JAKMIP3: variants seen among roughly 807,000 people sequenced by gnomAD.
JAKMIP3 encodes the protein Janus kinase and microtubule interacting protein 3, also known as janus kinase and microtubule-interacting protein 3.
Under a neutral mutation model 118.5 loss-of-function variants are expected in JAKMIP3, and 58 were observed. That is an observed-to-expected ratio of 0.49 (90% CI 0.40 to 0.61). The LOEUF (loss-of-function observed/expected upper bound fraction) is 0.61. Ranked by LOEUF, JAKMIP3 falls within the 20% of genes least tolerant of loss-of-function variation. The pLI, the probability that JAKMIP3 is intolerant of heterozygous loss-of-function variation, is 0.00. For missense variants in JAKMIP3, 950 were observed against 1,109.0 expected (o/e 0.86, Z 2.04); for synonymous variants, 486 against 451.2 (o/e 1.08, Z -0.98).
chr10:132,163,144 G>C (rs1388020913), intron 19 of JAKMIP3, 65 bp from the exon 20 acceptor site: 3 of 1,464,914 alleles, frequency 2.0e-6, no homozygotes, highest in African/African-American at 2.8e-5. Flanking sequence ...GGCCTCCGTT[G>C]CCCTTCCTGA....
rs116301093 is a variant in JAKMIP3, at chr10:132,037,918, G to C, written c.-138+1180G>C. ...CAGCAGTACCAATTGGCCCCGAGTC[G>C]GTTGCAGCCTTTGCCACAAATCTGG... On this transcript the variant is annotated intron_variant, in intron 1 of 23. Coordinates refer to the JAKMIP3 transcript ENST00000657785. 2.7e-4 allele frequency among the ~76,000 whole-genome samples: 41 copies of C among 152,368 alleles called. No individual in the cohort carries two copies. In the South Asian group the frequency reaches 8.3e-3, roughly 31 times the overall value.
chr10:132,038,821 C>T (rs2037609096), intron 1 of JAKMIP3, among the ~76,000 whole-genome samples: 1 of 146,462 alleles, frequency 6.8e-6, no homozygotes, highest in South Asian at 2.2e-4. Context: ...CCATCATAAA[C>T]ATACTTGCTG....
chr10:132,098,004 C>CTTTCACTTTCCT (rs1199956471), intron 1 of JAKMIP3, among the ~76,000 whole-genome samples: 2 of 49,220 alleles, frequency 4.1e-5, no homozygotes, highest in Admixed American at 2.2e-4. Flanking sequence ...TCCCCTTCCC[C>CTTTCACTTTCCT]TCCTTCCTTT....
chr10:132,056,002 C>A (rs899787290), intron 1 of JAKMIP3, among the ~76,000 whole-genome samples: 1 of 152,172 alleles, frequency 6.6e-6, no homozygotes, highest in African/African-American at 2.4e-5. Flanking sequence ...AACATGACTC[C>A]ACCTGGGGAC....
Position 132,182,577 on chromosome 10 carries a change from G to A in JAKMIP3, c.*1324G>A, listed in dbSNP as rs181264463. On this transcript the variant is annotated 3_prime_UTR_variant, in exon 24 of 24. Coordinates refer to ENST00000684848, the MANE Select transcript of JAKMIP3 (RefSeq NM_001323087.2). ...TGTGCTCACTTGTGTGCACAAGCAT[G>A]CGTTTATGCATGTTTTCACGCAACC... is the stretch of plus-strand genomic sequence containing the variant. 4 of 152,346 alleles carry A rather than the reference G, an allele frequency of 2.6e-5. No individual in the cohort carries two copies. The highest frequency in any genetic ancestry group is 2.0e-4 in the Admixed American group (3 of 15,306). The allele number at this position is 152,346 out of a possible 1,614,324, so 9.4% of individuals were successfully genotyped here.
chr10:132,095,306 T>G (rs1328912288), intron 1 of JAKMIP3, among the ~76,000 whole-genome samples: 1 of 152,224 alleles, frequency 6.6e-6, no homozygotes, highest in East Asian at 1.9e-4. Context: ...CTGTGGCCTT[T>G]CCCCAGTGCC....
chr10:132,099,511 G>A (rs56069551), intron 1 of JAKMIP3, among the ~76,000 whole-genome samples: 38,901 of 152,082 alleles, frequency 0.26, 5,554 homozygotes, highest in Non-Finnish European at 0.33. Flanking sequence ...AACTGACCGC[G>A]AAGCCCACTG....
chr10:132,099,343 A>G (rs1286006217), intron 1 of JAKMIP3, among the ~76,000 whole-genome samples: 1 of 152,212 alleles, frequency 6.6e-6, no homozygotes, highest in Non-Finnish European at 1.5e-5. Flanking sequence ...CGACTTTACC[A>G]GAGGTCAACC....
chr10:132,065,294 G>T (rs1230907763), upstream of JAKMIP3, among the ~76,000 whole-genome samples: 1 of 152,038 alleles, frequency 6.6e-6, no homozygotes, highest in Non-Finnish European at 1.5e-5. This position sits in a 1 kb window ranked among gnomAD's most constrained non-coding sequence, Gnocchi z 5.6. Context: ...GGCCAGGTGA[G>T]CTCTCGTGCT....
intron 1 of JAKMIP3, among the ~76,000 whole-genome samples, chr10:132,100,619 G>T (rs1329890255): frequency 6.6e-6 from 1 of 151,676 alleles, no homozygotes; most frequent in Non-Finnish European, 1.5e-5. Flanking sequence ...CGCCCCCCCA[G>T]CAGCTATGAG....
chr10:132,147,673 A>C (rs2054905628), intron 13 of JAKMIP3, among the ~76,000 whole-genome samples: 1 of 152,130 alleles, frequency 6.6e-6, no homozygotes, highest in African/African-American at 2.4e-5. Flanking sequence ...ATCCCTGTCC[A>C]GGGGCCACCC....
chr10:132,040,104 A>G (rs750502195), intron 1 of JAKMIP3, among the ~76,000 whole-genome samples: 24 of 152,158 alleles, frequency 1.6e-4, no homozygotes, highest in Non-Finnish European at 3.2e-4. Context: ...CTGACCCCCA[A>G]TGTAATGGTA....
intron 2 of JAKMIP3, among the ~76,000 whole-genome samples, chr10:132,106,542 C>CG (rs1261461831): frequency 2.6e-5 from 4 of 152,078 alleles, no homozygotes; most frequent in Non-Finnish European, 5.9e-5. Context: ...GCTGAGGCTT[C>CG]GGGGCACAGC....
At chr10:132,142,184 G>C (rs1278265334) in intron 11 of JAKMIP3, 136 bp downstream of exon 11, 4 of 953,762 alleles carry the variant, frequency 4.2e-6, no homozygotes, top group Non-Finnish European at 6.1e-6. Context: ...CTGCAGTCCT[G>C]GTGGTGCCCA....
chr10:132,114,768 A>AT (rs34863990), intron 2 of JAKMIP3, among the ~76,000 whole-genome samples: 3 of 152,174 alleles, frequency 2.0e-5, no homozygotes, highest in African/African-American at 7.2e-5. Context: ...ACGCTTTTAA[A>AT]TTTCTGTCAG....
At position 132,049,802 on chromosome 10, in the gene JAKMIP3, G is replaced by C. The variant is rs969445346; in HGVS notation, c.-138+13064G>C. The stretch of plus-strand genomic sequence containing the variant: ...CCCAGCCCTATGGTGGTTTTTAACA[G>C]GGAGGGAATTTGTATCAGTTCTTTT... On this transcript the variant is annotated intron_variant, in intron 1 of 23. Coordinates refer to the JAKMIP3 transcript ENST00000657785. The surrounding 1 kb of genome is among the most constrained non-coding windows in gnomAD (Gnocchi z 4.3). Among the ~76,000 whole-genome samples, 13 of 152,132 alleles carry C rather than the reference G, an allele frequency of 8.5e-5. No individual in the cohort carries two copies. The highest frequency in any genetic ancestry group is 3.1e-4 in the African/African-American group (13 of 41,442).
intron 3 of JAKMIP3, among the ~76,000 whole-genome samples, chr10:132,122,515 AAGCCC>A (rs1429547262): frequency 6.6e-6 from 1 of 152,166 alleles, no homozygotes; most frequent in African/African-American, 2.4e-5. Context: ...GCAGGGGCAG[AAGCCC>A]AGCCGGGCAG....
At chr10:132,172,704 C>T (rs1327095771) in intron 23 of JAKMIP3, among the ~76,000 whole-genome samples, 10 of 151,896 alleles carry the variant, frequency 6.6e-5, no homozygotes, top group Non-Finnish European at 1.3e-4. Context: ...TCCAGGCCGG[C>T]GCCCTGCAAA....
rs1379922855 is a variant in JAKMIP3 at position 132,154,133 on chromosome 10, C to G, written c.2220+143C>G. 39 of 665,252 alleles carry G rather than the reference C, an allele frequency of 5.9e-5. No individual in the cohort carries two copies. In the East Asian group the frequency reaches 1.0e-3, roughly 18 times the overall value. The allele number at this position is 665,252 out of a possible 1,614,324, so 41.2% of individuals were successfully genotyped here. On this transcript the variant is annotated intron_variant, in intron 19 of 23. Coordinates refer to ENST00000684848, the MANE Select transcript of JAKMIP3 (RefSeq NM_001323087.2). ...ATGGCCCCTAATGACACCTGCACAG[C>G]AGGCTCTGGCTCTCCAGAGCTGCCT...
Sources: allele counts gnomAD v4.1 joint callset (sites outside exome capture counted in the v4.1 genomes callset), GRCh38; gene constraint gnomAD v4.1.1; non-coding constraint Gnocchi (gnomAD v3.1); transcripts MANE v1.5; gene names NCBI Gene and HGNC (gene_info 2026-07-23, HGNC 2026-07-21).